The following CEP170 variants were observed in gnomAD, a reference collection of about 807,000 sequenced individuals.
CEP170 encodes the protein centrosomal protein of 170 kDa.
CEP170 carries 21 observed loss-of-function variants against 151.9 expected under a neutral mutation model. The observed-to-expected ratio is 0.14, with a 90% CI of 0.10 to 0.20. CEP170 has a LOEUF of 0.20. Ranked by LOEUF, CEP170 falls within the 10% of genes least tolerant of loss-of-function variation. CEP170 has a pLI of 1.00. For synonymous variants in CEP170, 356 were observed against 648.8 expected (o/e 0.55, Z 6.86); for missense variants, 964 against 1,892.9 (o/e 0.51, Z 9.11).
chr1:243,205,518 T>C (rs915109923), intron 4 of CEP170, among the ~76,000 whole-genome samples: 1 of 152,196 alleles, frequency 6.6e-6, no homozygotes, highest in African/African-American at 2.4e-5. Context: ...AGGACCAGAT[T>C]TGGTCAATGA....
chr1:243,195,850 C>G (rs1332886578), intron 7 of CEP170, among the ~76,000 whole-genome samples: 11 of 151,874 alleles, frequency 7.2e-5, no homozygotes. Context: ...AATGATAAAT[C>G]TGAAACAGTA....
intron 16 of CEP170, among the ~76,000 whole-genome samples, chr1:243,138,402 T>C (rs1158437716): frequency 6.6e-6 from 1 of 151,382 alleles, no homozygotes; most frequent in Non-Finnish European, 1.5e-5. Flanking sequence ...CATACTTTTC[T>C]ACCAGGTAGA....
chr1:243,192,675 T>C lies in CEP170; in HGVS notation c.632-1181A>G, dbSNP rs1449202432. On this transcript the variant is annotated intron_variant, in intron 7 of 19. Transcript: ENST00000366542. The stretch of plus-strand genomic sequence containing the variant: ...ACATTTTCTAATTAAGTGAAGCGTT[T>C]GGTCTTTTGAAACATCTTTTCAAAA... Among the ~76,000 whole-genome samples, 5 of 152,362 alleles carry C rather than the reference T, an allele frequency of 3.3e-5. No homozygotes were observed. In the East Asian group the frequency reaches 5.8e-4, roughly 18 times the overall value.
intron 1 of CEP170, among the ~76,000 whole-genome samples, chr1:243,233,407 AG>A (rs1243920613): frequency 2.4e-5 from 1 of 40,894 alleles, no homozygotes; most frequent in Non-Finnish European, 5.9e-5. Flanking sequence ...TTCACTACAC[AG>A]GTTTAAAATT....
chr1:243,166,693 T>C (rs2058468717), intron 12 of CEP170: 1 of 152,290 alleles, frequency 6.6e-6, no homozygotes, highest in African/African-American at 2.4e-5. Flanking sequence ...GCCAATTGTA[T>C]GAGATGAAAA....
At position 243,165,537 on chromosome 1, in the gene CEP170, T is replaced by G. The variant is rs2058375602; in HGVS notation, c.2423A>C (p.Lys808Thr). The G allele has an allele frequency of 5.0e-6, 8 of 1,613,348 alleles. No individual in the cohort carries two copies. The East Asian group carries it at 1.8e-4, about 36-fold the overall frequency. ...CAGAATTTCCTCAGCTTTTCTTCTCTTGCTCTCACTTTGTGCCACTCTGTC... is the reference window on the plus strand; with the variant it reads ...CAGAATTTCCTCAGCTTTTCTTCTCGTGCTCTCACTTTGTGCCACTCTGTC... ...KGDRVAQSESKRRKAEEILKS... is the reference protein window; with the variant it reads ...KGDRVAQSESTRRKAEEILKS... Residue 808 changes from lysine to threonine, a missense_variant, in exon 13 of 20, where the codon AAG (lysine) becomes ACG (threonine). Coordinates refer to ENST00000366542, the MANE Select transcript of CEP170 (RefSeq NM_014812.3).
chr1:243,187,030 T>G (rs1416380866), intron 8 of CEP170, among the ~76,000 whole-genome samples: 1 of 152,240 alleles, frequency 6.6e-6, no homozygotes, highest in Non-Finnish European at 1.5e-5. Context: ...CTATGAGAAT[T>G]TTTGAAAACT....
intron 1 of CEP170, among the ~76,000 whole-genome samples, chr1:243,238,748 T>C (rs1249482999): frequency 1.3e-5 from 2 of 152,232 alleles, no homozygotes; most frequent in Non-Finnish European, 2.9e-5. Flanking sequence ...CACATATTAG[T>C]AGTAAATTTG....
At chr1:243,248,322 C>A (rs1289262499) in intron 1 of CEP170, among the ~76,000 whole-genome samples, 1 of 152,108 alleles carries the variant, frequency 6.6e-6, no homozygotes. Context: ...TTCCTCACAC[C>A]CCACTGTCCA....
At position 243,156,546 on chromosome 1, in the gene CEP170, C is replaced by T. The variant is rs2057566416; in HGVS notation, c.3677-91G>A. On this transcript the variant is annotated intron_variant, in intron 13 of 19. Transcript: ENST00000366542. ...TCATGACTTCAAAACACCATGAGAG[C>T]GCACACACGGCACAATTTTCAATAA... The T allele has an allele frequency of 2.2e-5, 27 of 1,232,400 alleles. No homozygotes were observed. In the South Asian group the frequency reaches 2.2e-4, roughly 10 times the overall value. 76.3% of individuals were successfully genotyped at this position (1,232,400 alleles called of 1,614,324 possible).
chr1:243,186,468 T>G (rs774026137), intron 8 of CEP170, 46 bp from the exon 9 acceptor site: 11 of 1,536,910 alleles, frequency 7.2e-6, no homozygotes, highest in Non-Finnish European at 9.6e-6. Context: ...AAAAGTCCCA[T>G]GTAGAAATTT....
At position 243,166,233 on chromosome 1, in the gene CEP170, C is replaced by T. The variant is rs1044114232; in HGVS notation, c.1844-117G>A. ...AAGACTGGTTCCAGGCCCCTTATTC[C>T]CCCAGGATACCAAATCCCAAGGATG... On this transcript the variant is annotated intron_variant, in intron 12 of 19. Coordinates refer to ENST00000366542, the MANE Select transcript of CEP170 (RefSeq NM_014812.3). The T allele has an allele frequency of 3.5e-5, 47 of 1,353,026 alleles. 1 individual carries two copies. The African/African-American group carries it at 6.3e-4, about 18-fold the overall frequency. 83.8% of individuals were successfully genotyped at this position (1,353,026 alleles called of 1,614,324 possible). A position where few individuals can be genotyped will look rare whatever the true frequency, so the allele number is the denominator to read the frequency against.
intron 14 of CEP170, among the ~76,000 whole-genome samples, chr1:243,148,570 T>C (rs534784491): frequency 1.3e-5 from 2 of 152,282 alleles, no homozygotes; most frequent in South Asian, 4.1e-4. Flanking sequence ...AGACTCTGTC[T>C]CAAAATAAAA....
chr1:243,237,120 T>C (rs966432370), intron 1 of CEP170, among the ~76,000 whole-genome samples: 1 of 152,226 alleles, frequency 6.6e-6, no homozygotes, highest in Admixed American at 6.5e-5. Context: ...AGAATGTATT[T>C]AGTGAATATA....
intron 8 of CEP170, among the ~76,000 whole-genome samples, chr1:243,189,108 G>A (rs997194789): frequency 6.6e-6 from 1 of 152,128 alleles, no homozygotes; most frequent in South Asian, 2.1e-4. Flanking sequence ...AAGGACAACA[G>A]TAATATGATT....
At chr1:243,147,070 A>T (rs2056590791) in intron 14 of CEP170, among the ~76,000 whole-genome samples, 1 of 152,316 alleles carries the variant, frequency 6.6e-6, no homozygotes, top group Middle Eastern at 3.4e-3. Flanking sequence ...ACATACTTGG[A>T]AATGCTATCT....
intron 10 of CEP170, chr1:243,176,898 A>G (rs557975711): frequency 2.6e-6 from 1 of 387,482 alleles, no homozygotes; most frequent in East Asian, 7.1e-5. Context: ...TTTTAGTTTT[A>G]AGTTTAAAGA....
chr1:243,253,508 T>C (rs931644498), intron 1 of CEP170, among the ~76,000 whole-genome samples: 2 of 152,232 alleles, frequency 1.3e-5, no homozygotes, highest in African/African-American at 4.8e-5. Flanking sequence ...GGCTCTTCCG[T>C]GTTATCTACA....
chr1:243,134,061 A>G (rs2054738996), intron 17 of CEP170, among the ~76,000 whole-genome samples: 1 of 152,200 alleles, frequency 6.6e-6, no homozygotes, highest in Non-Finnish European at 1.5e-5. Flanking sequence ...TTTTAATAAT[A>G]AGAAAAAGTT....
Sources: allele counts gnomAD v4.1 joint callset (sites outside exome capture counted in the v4.1 genomes callset), GRCh38; gene constraint gnomAD v4.1.1; transcripts MANE v1.5; gene names NCBI Gene and HGNC (gene_info 2026-07-23, HGNC 2026-07-21).